The following CNTN5 variants were observed in gnomAD, a reference collection of about 807,000 sequenced individuals.
CNTN5 encodes contactin 5.
CNTN5 carries 77 observed loss-of-function variants against 129.1 expected under a neutral mutation model. The ratio of observed to expected loss-of-function variants is 0.60; its 90% CI spans 0.50 to 0.72. The LOEUF is 0.72. Ranked by LOEUF, CNTN5 falls within the 30% of genes least tolerant of loss-of-function variation. The probability of loss-of-function intolerance (pLI) is 0.00; values close to 1 mark genes in which losing one functional copy is unlikely to be tolerated. For missense variants in CNTN5, 1,478 were observed against 1,328.8 expected (o/e 1.11, Z -1.75); for synonymous variants, 509 against 465.6 (o/e 1.09, Z -1.20).
chr11:100,147,638 TTGTG>T (rs373305273), intron 13 of CNTN5, among the ~76,000 whole-genome samples: 1 of 151,202 alleles, frequency 6.6e-6, no homozygotes, highest in Non-Finnish European at 1.5e-5. Flanking sequence ...ATGCGTGTAT[TTGTG>T]TGTGTGTGTG....
At chr11:100,202,656 T>C (rs1246089531) in intron 15 of CNTN5, among the ~76,000 whole-genome samples, 1 of 151,962 alleles carries the variant, frequency 6.6e-6, no homozygotes, top group African/African-American at 2.4e-5. Flanking sequence ...AGACCTAAGC[T>C]AAAACATTTA....
chr11:99,112,420 A>G (rs1009101985), intron 1 of CNTN5, among the ~76,000 whole-genome samples: 1 of 152,082 alleles, frequency 6.6e-6, no homozygotes, highest in African/African-American at 2.4e-5. Flanking sequence ...AATCTTATAA[A>G]TGATTACTCT....
intron 17 of CNTN5, among the ~76,000 whole-genome samples, chr11:100,269,529 C>A (rs920299505): frequency 3.3e-5 from 5 of 152,036 alleles, no homozygotes; most frequent in Non-Finnish European, 5.9e-5. Flanking sequence ...AGGGCTGGTT[C>A]TTTTTCTCCG....
At chr11:99,833,270 G>A (rs1947203029) in intron 4 of CNTN5, among the ~76,000 whole-genome samples, 1 of 152,086 alleles carries the variant, frequency 6.6e-6, no homozygotes, top group Non-Finnish European at 1.5e-5. Flanking sequence ...TCCTAGGACA[G>A]GACTCTATAA....
At chr11:100,006,258 G>A (rs1940182495) in intron 9 of CNTN5, among the ~76,000 whole-genome samples, 1 of 152,108 alleles carries the variant, frequency 6.6e-6, no homozygotes, top group African/African-American at 2.4e-5. Flanking sequence ...TGACTGATAA[G>A]GGTGGTGGCT....
chr11:100,311,419 T>C (rs1298202701), intron 21 of CNTN5, among the ~76,000 whole-genome samples: 1 of 151,928 alleles, frequency 6.6e-6, no homozygotes, highest in Non-Finnish European at 1.5e-5. Context: ...CTTTTTTTAT[T>C]TCTAAAAAGA....
intron 2 of CNTN5, among the ~76,000 whole-genome samples, chr11:99,330,041 AC>A (rs1865938802): frequency 6.6e-6 from 1 of 151,722 alleles, no homozygotes; most frequent in Non-Finnish European, 1.5e-5. Context: ...TACATTTTTA[AC>A]CACCGAGTGG....
intron 3 of CNTN5, among the ~76,000 whole-genome samples, chr11:99,587,572 G>T (rs1391459041): frequency 6.6e-6 from 1 of 151,966 alleles, no homozygotes; most frequent in African/African-American, 2.4e-5. Context: ...CATATGTGTG[G>T]CTGCATTAGA....
chr11:99,787,033 G>A (rs1013828335), intron 3 of CNTN5, among the ~76,000 whole-genome samples: 6 of 151,810 alleles, frequency 4.0e-5, no homozygotes, highest in South Asian at 2.1e-4. Context: ...AAGTATGTTC[G>A]GATATGAATT....
intron 1 of CNTN5, among the ~76,000 whole-genome samples, chr11:99,236,103 G>A (rs922473725): frequency 1.3e-5 from 2 of 151,974 alleles, no homozygotes; most frequent in Non-Finnish European, 2.9e-5. Context: ...TTTGACCTTG[G>A]CCAAATATAT....
At chr11:100,295,752 C>T (rs1951088221) in intron 18 of CNTN5, among the ~76,000 whole-genome samples, 1 of 151,034 alleles carries the variant, frequency 6.6e-6, no homozygotes, top group African/African-American at 2.4e-5. Context: ...TCCACAGAAA[C>T]TTATGATCAT....
At chr11:99,588,039 A>C (rs1206021699) in intron 3 of CNTN5, among the ~76,000 whole-genome samples, 1 of 152,124 alleles carries the variant, frequency 6.6e-6, no homozygotes, top group Non-Finnish European at 1.5e-5. Context: ...CTGTGAGCCC[A>C]AAATCCATAG....
chr11:99,638,402 T>G (rs1448171557), intron 3 of CNTN5, among the ~76,000 whole-genome samples: 1 of 152,052 alleles, frequency 6.6e-6, no homozygotes, highest in East Asian at 1.9e-4. Context: ...CCTCCAAACC[T>G]CATGTCCTTG....
chr11:99,569,036 T>G (rs1458805467), intron 3 of CNTN5, among the ~76,000 whole-genome samples: 4 of 152,176 alleles, frequency 2.6e-5, no homozygotes, highest in Non-Finnish European at 5.9e-5. Context: ...ATAGTATGGC[T>G]TTAACCTCTC....
chr11:100,258,027 C>CT (rs1295914153), intron 17 of CNTN5, among the ~76,000 whole-genome samples: 4 of 151,974 alleles, frequency 2.6e-5, no homozygotes, highest in Non-Finnish European at 5.9e-5. Context: ...TGCAAGGAAG[C>CT]TAAGAACCTT....
chr11:99,241,579 G>A (rs924608639), intron 1 of CNTN5, among the ~76,000 whole-genome samples: 2 of 152,036 alleles, frequency 1.3e-5, no homozygotes, highest in Non-Finnish European at 2.9e-5. Context: ...TGTGTGTGTA[G>A]GTAGGTAGAC....
intron 2 of CNTN5, among the ~76,000 whole-genome samples, chr11:99,406,935 CCCTTCAGGGAAGTGGGCTCA>C (rs1942098930): frequency 6.7e-6 from 1 of 149,350 alleles, no homozygotes; most frequent in African/African-American, 2.5e-5. Flanking sequence ...CTGGGACTCA[CCCTTCAGGGAAGTGGGCTCA>C]CCTCTGGCCC....
intron 6 of CNTN5, among the ~76,000 whole-genome samples, chr11:99,882,840 C>G (rs894467121): frequency 1.3e-5 from 2 of 152,096 alleles, no homozygotes; most frequent in Non-Finnish European, 2.9e-5. Flanking sequence ...TGCCCATTAA[C>G]CATTCCCATG....
At chr11:99,901,135 G>A (rs1565656242) in intron 6 of CNTN5, among the ~76,000 whole-genome samples, 1 of 152,266 alleles carries the variant, frequency 6.6e-6, no homozygotes, top group East Asian at 1.9e-4. Context: ...AATATTCATT[G>A]TATAGTGTGT....
Sources: allele counts gnomAD v4.1 joint callset (sites outside exome capture counted in the v4.1 genomes callset), GRCh38; gene constraint gnomAD v4.1.1; transcripts MANE v1.5; gene names NCBI Gene and HGNC (gene_info 2026-07-23, HGNC 2026-07-21).